Variants in ENPP3 observed in about 807,000 individuals in gnomAD.
ENPP3 encodes the protein ectonucleotide pyrophosphatase/phosphodiesterase family member 3.
A neutral mutation model predicts 117.8 loss-of-function variants in ENPP3; 104 were observed. The observed-to-expected ratio is 0.88, with a 90% confidence interval of 0.75 to 1.04. The LOEUF (loss-of-function observed/expected upper bound fraction) is 1.04, where lower values mean the gene tolerates loss of function less well. Ranked by LOEUF, ENPP3 falls within the 50% of genes least tolerant of loss-of-function variation. The pLI is 0.00. For synonymous variants in ENPP3, 380 were observed against 349.9 expected (o/e 1.09, Z -0.96); for missense variants, 1,026 against 1,051.9 (o/e 0.98, Z 0.34).
intron 7 of ENPP3, among the ~76,000 whole-genome samples, chr6:131,671,715 A>G (rs899288877): frequency 6.6e-6 from 1 of 152,194 alleles, no homozygotes; most frequent in African/African-American, 2.4e-5. Flanking sequence ...TCTTTTCATT[A>G]CAATTAACTT....
At chr6:131,640,660 T>G (rs899702848) in intron 1 of ENPP3, among the ~76,000 whole-genome samples, 1 of 152,236 alleles carries the variant, frequency 6.6e-6, no homozygotes, top group Non-Finnish European at 1.5e-5. Flanking sequence ...TGTAAAATAC[T>G]TTCCTAAGTA....
At chr6:131,673,785 T>C (rs892148599) in intron 7 of ENPP3, among the ~76,000 whole-genome samples, 3 of 152,188 alleles carry the variant, frequency 2.0e-5, no homozygotes, top group Non-Finnish European at 2.9e-5. Context: ...TACAGACTTT[T>C]TTTTGTCACT....
At chr6:131,689,621 A>G (rs909256210) in intron 14 of ENPP3, among the ~76,000 whole-genome samples, 5 of 152,196 alleles carry the variant, frequency 3.3e-5, no homozygotes, top group Non-Finnish European at 7.3e-5. Context: ...GGAGATGGAT[A>G]TTTTCATGTC....
At chr6:131,741,988 A>C (rs969998664) in intron 24 of ENPP3, among the ~76,000 whole-genome samples, 1 of 152,180 alleles carries the variant, frequency 6.6e-6, no homozygotes, top group Non-Finnish European at 1.5e-5. Flanking sequence ...TAAGAGAGGG[A>C]CAGATAAACT....
intron 19 of ENPP3, among the ~76,000 whole-genome samples, chr6:131,725,710 A>G (rs963235921): frequency 6.6e-6 from 1 of 152,170 alleles, no homozygotes; most frequent in African/African-American, 2.4e-5. Flanking sequence ...TTACCTCTTC[A>G]TGTATATCCT....
intron 22 of ENPP3, 102 bp from the exon 23 acceptor site, chr6:131,737,929 A>T: frequency 1.2e-6 from 1 of 811,088 alleles, no homozygotes; most frequent in Non-Finnish European, 1.8e-6. Context: ...GCAATTATTA[A>T]GGCAGAATTT....
At chr6:131,720,185 T>C (rs1034881554) in intron 16 of ENPP3, 107 bp from the exon 17 acceptor site, 2 of 643,514 alleles carry the variant, frequency 3.1e-6, no homozygotes, top group African/African-American at 3.7e-5. Context: ...TACAGAGGCC[T>C]AATACAAATA....
At chr6:131,666,013 T>C (rs376558923) in intron 6 of ENPP3, among the ~76,000 whole-genome samples, 7 of 152,282 alleles carry the variant, frequency 4.6e-5, no homozygotes, top group African/African-American at 1.7e-4. Context: ...TGTAAATTTT[T>C]CAGTTTTCCC....
chr6:131,745,841 G>A (rs1234141990), intron 24 of ENPP3, among the ~76,000 whole-genome samples: 2 of 152,226 alleles, frequency 1.3e-5, no homozygotes, highest in South Asian at 2.1e-4. Flanking sequence ...GTACTCGGCC[G>A]GGTGCGGTGG....
intron 2 of ENPP3, among the ~76,000 whole-genome samples, chr6:131,649,250 T>C (rs1044123826): frequency 2.6e-5 from 4 of 152,146 alleles, no homozygotes; most frequent in Non-Finnish European, 5.9e-5. Context: ...AGTGACTTTC[T>C]AAAACACAGA....
At chr6:131,722,185 TC>T in intron 17 of ENPP3, 41 bp from the exon 18 acceptor site, 1 of 1,450,210 alleles carries the variant, frequency 6.9e-7, no homozygotes, top group South Asian at 1.2e-5. Context: ...GTTGTTGCTT[TC>T]CAGTGTAAAG....
intron 17 of ENPP3, 91 bp from the exon 18 acceptor site, chr6:131,722,136 A>G (rs904751997): frequency 4.7e-6 from 4 of 843,898 alleles, no homozygotes; most frequent in Admixed American, 2.4e-5. Context: ...AAGGGAGTGA[A>G]AGAGTAGGTG....
rs371737976 is a variant in ENPP3 at position 131,639,265 on chromosome 6, A to ATATATATTT, written c.78+1804_78+1805insATATATTTT. Among the ~76,000 whole-genome samples the ATATATATTT allele has an allele frequency of 4.3e-3, 456 of 107,162 alleles. 3 individuals are homozygous for ATATATATTT. Among genetic ancestry groups the ATATATATTT allele is most frequent in the African/African-American group, 0.016 (400 of 25,416 alleles). 70.3% of individuals were successfully genotyped at this position (107,162 alleles called of 152,430 possible). On this transcript the variant is annotated intron_variant, in intron 1 of 24. Coordinates refer to ENST00000357639, the MANE Select transcript of ENPP3 (RefSeq NM_005021.5). ...TATGCTAATATATATATATATATAT[A>ATATATATTT]TTTTTTTTTTTTTCTCTCTCTCTTT... is the stretch of plus-strand genomic sequence containing the variant.
chr6:131,650,005 C>T (rs928915582), intron 2 of ENPP3, 22 bp from the exon 3 acceptor site: 2 of 1,613,356 alleles, frequency 1.2e-6, no homozygotes, highest in African/African-American at 2.7e-5. Context: ...AATGTTCGGG[C>T]CCTATTTCCT....
intron 24 of ENPP3, among the ~76,000 whole-genome samples, chr6:131,745,408 C>G (rs933312213): frequency 2.6e-5 from 4 of 151,934 alleles, no homozygotes; most frequent in Non-Finnish European, 5.9e-5. Context: ...ACAAGTAAAC[C>G]ACTGCATCGA....
chr6:131,694,673 A>G (rs986943657), intron 15 of ENPP3, among the ~76,000 whole-genome samples: 1 of 152,076 alleles, frequency 6.6e-6, no homozygotes, highest in Non-Finnish European at 1.5e-5. Context: ...ACAAAAAATT[A>G]ATAAAAATAC....
At chr6:131,732,999 T>C (rs1780319314) in intron 20 of ENPP3, among the ~76,000 whole-genome samples, 1 of 152,028 alleles carries the variant, frequency 6.6e-6, no homozygotes, top group Admixed American at 6.6e-5. Flanking sequence ...AGTGCTGGGA[T>C]TACAAGCATG....
intron 20 of ENPP3, among the ~76,000 whole-genome samples, chr6:131,731,995 G>A (rs1350737389): frequency 1.3e-5 from 2 of 152,144 alleles, no homozygotes; most frequent in African/African-American, 4.8e-5. Flanking sequence ...GCTCCTACTT[G>A]TTCTATACCT....
chr6:131,740,290 CAA>C lies in ENPP3; in HGVS notation c.2368_2369del (p.Lys790GlufsTer30). 1 of 1,613,332 alleles carries C rather than the reference CAA, an allele frequency of 6.2e-7. No individual in the cohort carries two copies. The highest frequency in any genetic ancestry group is 8.5e-7 in the Non-Finnish European group (1 of 1,179,578). On this transcript the variant is annotated frameshift_variant, in exon 24 of 25. Transcript: ENST00000357639. LOFTEE classifies it high-confidence loss of function. ...YFVVLTSCKN[K>X]SHTPENCPGW... The stretch of plus-strand genomic sequence containing the variant: ...TTGTGGTGCTGACCAGTTGTAAAAA[CAA>C]GAGCCACACACCGGAAAACTGCCCT...
Sources: allele counts gnomAD v4.1 joint callset (sites outside exome capture counted in the v4.1 genomes callset), GRCh38; gene constraint gnomAD v4.1.1; transcripts MANE v1.5; gene names NCBI Gene and HGNC (gene_info 2026-07-23, HGNC 2026-07-21).